Variants in COL4A1 observed in about 807,000 individuals in gnomAD.
COL4A1 encodes the protein collagen type IV alpha 1 chain.
COL4A1 carries 40 observed loss-of-function variants against 216.6 expected under a neutral mutation model. The ratio of observed to expected loss-of-function variants is 0.18; its 90% confidence interval spans 0.14 to 0.24. The LOEUF (loss-of-function observed/expected upper bound fraction) is 0.24. Among genes scored for constraint, COL4A1 ranks in the 10% least tolerant of loss-of-function variants. COL4A1 has a pLI of 1.00. For missense variants in COL4A1, 1,628 were observed against 2,196.8 expected (o/e 0.74, Z 5.18); for synonymous variants, 839 against 810.7 (o/e 1.03, Z -0.59).
chr13:110,165,673 C>T (rs969792803), intron 45 of COL4A1, among the ~76,000 whole-genome samples: 3 of 151,566 alleles, frequency 2.0e-5, no homozygotes, highest in Non-Finnish European at 4.4e-5. Context: ...TCTCCCAAAA[C>T]ATGGTTTGGA....
At chr13:110,231,061 G>A (rs982200831) in intron 2 of COL4A1, among the ~76,000 whole-genome samples, 4 of 152,228 alleles carry the variant, frequency 2.6e-5, no homozygotes, top group Non-Finnish European at 4.4e-5. Flanking sequence ...GAGACAGGGT[G>A]CTGCCTCCCA....
At chr13:110,183,325 A>C in intron 26 of COL4A1, 49 bp from the exon 27 acceptor site, 2 of 1,563,522 alleles carry the variant, frequency 1.3e-6, no homozygotes, top group Non-Finnish European at 1.7e-6. Context: ...TGAGGACCAC[A>C]CGGAACACAG....
At chr13:110,238,102 A>C (rs531337559) in intron 2 of COL4A1, among the ~76,000 whole-genome samples, 2 of 152,362 alleles carry the variant, frequency 1.3e-5, no homozygotes, top group South Asian at 4.1e-4. Context: ...ATGCAGAGCC[A>C]ATGTGGACAG....
chr13:110,161,153 C>G (rs377543004), intron 49 of COL4A1, 39 bp downstream of exon 49: 2 of 1,604,764 alleles, frequency 1.2e-6, no homozygotes, highest in Non-Finnish European at 1.7e-6. Context: ...GACTTTTCCT[C>G]TTCAATTTTG....
At chr13:110,281,932 A>G (rs2139301103) in intron 1 of COL4A1, among the ~76,000 whole-genome samples, 1 of 152,332 alleles carries the variant, frequency 6.6e-6, no homozygotes, top group East Asian at 1.9e-4. Context: ...TTCCCTGCTC[A>G]GATCTCCATC....
chr13:110,154,143 G>A (rs1192201), intron 50 of COL4A1, among the ~76,000 whole-genome samples: 139,757 of 152,328 alleles, frequency 0.92, 64,208 homozygotes, highest in South Asian at 0.94. Flanking sequence ...TCCTGACAGT[G>A]TGAAGATGGG....
chr13:110,204,218 T>C lies in COL4A1; in HGVS notation c.958-611A>G, dbSNP rs574795901. Reference sequence around the variant, plus strand: ...TTATATAAACGTCATCGTAATGATTTAAACAGTCCAAAGATATGTACATTT... The same window carrying C: ...TTATATAAACGTCATCGTAATGATTCAAACAGTCCAAAGATATGTACATTT... On this transcript the variant is annotated intron_variant, in intron 17 of 51. Coordinates refer to ENST00000375820, the MANE Select transcript of COL4A1 (RefSeq NM_001845.6). Among the ~76,000 whole-genome samples the C allele has an allele frequency of 2.0e-5, 3 of 152,334 alleles. No individual in the cohort carries two copies. The East Asian group carries it at 5.8e-4, about 29-fold the overall frequency.
At chr13:110,208,940 A>G (rs947018715) in intron 11 of COL4A1, 50 bp from the exon 12 acceptor site, 1 of 1,568,608 alleles carries the variant, frequency 6.4e-7, no homozygotes, top group Non-Finnish European at 8.8e-7. Flanking sequence ...TACTTCGTTC[A>G]AAGTCATTCT....
At chr13:110,247,520 G>A (rs1248499521) in intron 1 of COL4A1, among the ~76,000 whole-genome samples, 1 of 151,984 alleles carries the variant, frequency 6.6e-6, no homozygotes, top group Non-Finnish European at 1.5e-5. Flanking sequence ...CAGTATTCAC[G>A]TTATAAAGTA....
intron 2 of COL4A1, among the ~76,000 whole-genome samples, chr13:110,222,771 T>TAAAAAAAAAAAAAAAAAAAAAAAAAAAAA (rs751501177): frequency 1.1e-5 from 1 of 93,404 alleles, no homozygotes; most frequent in African/African-American, 3.9e-5. Flanking sequence ...AGACTCTGCT[T>TAAAAAAAAAAAAAAAAAAAAAAAAAAAAA]TAAAAAAAAA....
intron 41 of COL4A1, 58 bp downstream of exon 41, chr13:110,172,662 C>A: frequency 6.6e-7 from 1 of 1,525,166 alleles, no homozygotes; most frequent in Non-Finnish European, 9.1e-7. Context: ...GCCCCTTGTT[C>A]TGCTAATCAG....
chr13:110,238,848 C>G (rs905414479), intron 2 of COL4A1, among the ~76,000 whole-genome samples: 1 of 152,142 alleles, frequency 6.6e-6, no homozygotes, highest in Non-Finnish European at 1.5e-5. Flanking sequence ...GAATGTGTTG[C>G]CTTTCCTACT....
At position 110,212,885 on chromosome 13, in the gene COL4A1, C is replaced by T. The variant is rs759431726; in HGVS notation, c.280-267G>A. Among the ~76,000 whole-genome samples, 16 of 152,272 alleles carry T rather than the reference C, an allele frequency of 1.1e-4. No individual in the cohort carries two copies. The South Asian group carries it at 2.1e-3, about 20-fold the overall frequency. On this transcript the variant is annotated intron_variant, in intron 4 of 51. Transcript: ENST00000375820. ...ACCAACCTAAGTACCTACCAACCAA[C>T]GAGTGGATAGAGAAAAGGTGGAATC...
chr13:110,192,190 A>G (rs768211441), intron 24 of COL4A1, 24 bp downstream of exon 24: 33 of 1,612,804 alleles, frequency 2.0e-5, no homozygotes, highest in Non-Finnish European at 2.7e-5. Flanking sequence ...TGATATGTAC[A>G]TGAACTCAGA....
At chr13:110,155,843 C>T (rs976090681) in intron 49 of COL4A1, among the ~76,000 whole-genome samples, 2 of 152,050 alleles carry the variant, frequency 1.3e-5, no homozygotes, top group South Asian at 4.2e-4. Flanking sequence ...ACCTGGGAGG[C>T]GGAGGTTGCA....
chr13:110,166,460 T>C (rs1256038081), intron 44 of COL4A1, among the ~76,000 whole-genome samples, 157 bp from the exon 45 acceptor site: 2 of 152,232 alleles, frequency 1.3e-5, no homozygotes, highest in African/African-American at 2.4e-5. Flanking sequence ...CATACCCATA[T>C]ATACACATTC....
intron 21 of COL4A1, 80 bp downstream of exon 21, chr13:110,198,387 T>C: frequency 6.6e-7 from 1 of 1,524,504 alleles, no homozygotes; most frequent in Non-Finnish European, 9.1e-7. Flanking sequence ...TGGGGGACTA[T>C]CACAGCCCCC....
At chr13:110,269,324 T>C (rs9555679) in intron 1 of COL4A1, among the ~76,000 whole-genome samples, 5,005 of 152,238 alleles carry the variant, frequency 0.033, 220 homozygotes, top group East Asian at 0.23. Context: ...TAAAAACCTT[T>C]ATAAAATCAG....
intron 2 of COL4A1, among the ~76,000 whole-genome samples, chr13:110,235,405 C>A (rs568199987): frequency 6.6e-6 from 1 of 152,250 alleles, no homozygotes; most frequent in African/African-American, 2.4e-5. Context: ...AATCCCAGCA[C>A]TTTGGGAGGC....
Sources: gnomAD v4.1 joint callset for allele counts (sites outside exome capture counted in the v4.1 genomes callset) on GRCh38, gnomAD v4.1.1 for gene constraint, MANE v1.5 for transcripts, NCBI Gene and HGNC (gene_info 2026-07-23, HGNC 2026-07-21) for gene names.